TASOR: variants seen among roughly 807,000 people sequenced by gnomAD.
TASOR encodes the protein transcription activation suppressor.
Under a neutral mutation model 178.6 loss-of-function variants are expected in TASOR, and 53 were observed. That is an observed-to-expected ratio of 0.30 (90% CI 0.24 to 0.37). The LOEUF is 0.37. TASOR is among the 10% of genes least tolerant of loss of function. The probability of loss-of-function intolerance (pLI) is 1.00; values close to 1 mark genes in which losing one functional copy is unlikely to be tolerated. For missense variants in TASOR, 1,815 were observed against 1,971.4 expected (o/e 0.92, Z 1.50); for synonymous variants, 713 against 696.2 (o/e 1.02, Z -0.38).
intron 15 of TASOR, 46 bp downstream of exon 15, chr3:56,641,303 C>T (rs2077119184): frequency 6.6e-7 from 1 of 1,522,020 alleles, no homozygotes; most frequent in African/African-American, 1.4e-5. Context: ...ACCTCTTTCA[C>T]ACACACACTC....
Position 56,649,016 on chromosome 3 carries a change from A to G in TASOR, c.1410T>C (p.Leu470=). Residue 470 remains leucine, a synonymous_variant, in exon 12 of 24, where the codon CTT becomes CTC. Transcript: ENST00000683822. The part of the protein sequence containing the change: ...KPLGDRGYLF[L]LSPYQMVPPY... ...GAGGAACCATCTGATAAGGGGAGAG[A>G]AGAAAAAGGTATCCTCGGTCTCCCA... The G allele has an allele frequency of 6.2e-7, 1 of 1,609,046 alleles. No individual in the cohort carries two copies. Among genetic ancestry groups the G allele is most frequent in the Non-Finnish European group, 8.5e-7 (1 of 1,178,612 alleles).
intron 11 of TASOR, 43 bp from the exon 12 acceptor site, chr3:56,649,100 T>C: frequency 6.9e-7 from 1 of 1,452,022 alleles, no homozygotes; most frequent in Middle Eastern, 1.8e-4. Context: ...TGCTTTATTA[T>C]TATTCACCAT....
chr3:56,629,117 C>G (rs2076859519), intron 18 of TASOR: 1 of 152,458 alleles, frequency 6.6e-6, no homozygotes, highest in Non-Finnish European at 1.5e-5. Context: ...AAGGTCAGAG[C>G]TTCACCAATC....
At position 56,633,432 on chromosome 3, in the gene TASOR, A is replaced by G. The variant is rs1181983352; in HGVS notation, c.3359T>C (p.Val1120Ala). Residue 1120 changes from valine to alanine, a missense_variant, in exon 18 of 24, where the codon GTC (valine) becomes GCC (alanine). Physicochemically the swap from Val to Ala is moderately conservative, Grantham distance 64. Coordinates refer to ENST00000683822, the MANE Select transcript of TASOR (RefSeq NM_001365635.2). ...KIASNPLERH[V>A]IPVSSSDFNN... ...GAAGTCACTTGAGGAAACTGGTATG[A>G]CATGCCTTTCCAGAGGATTCGATGC... is the stretch of plus-strand genomic sequence containing the variant. 6.2e-7 allele frequency: 1 copy of G among 1,614,120 alleles called. No homozygotes were observed.
Position 56,641,613 on chromosome 3 carries a change from A to C in TASOR, c.2355T>G (p.Ser785=). ...LSETLANARH[S]DASLTDTVNK... is the part of the protein sequence containing the mutation. ...TGACTGTGTCTGTCAGAGATGCATC[A>C]GAATGGCGCGCATTTGCTAGTGTTT... The change falls in exon 15 of 24, where the codon TCT becomes TCG. Residue 785 remains serine (S), a synonymous_variant. Transcript: ENST00000683822. 6.2e-7 allele frequency: 1 copy of C among 1,614,182 alleles called. No individual in the cohort carries two copies. Among genetic ancestry groups the C allele is most frequent in the African/African-American group, 1.3e-5 (1 of 75,024 alleles).
rs928695392 is a variant in TASOR at position 56,622,263 on chromosome 3, T to C, written c.*774A>G. 2.0e-5 allele frequency: 3 copies of C among 152,212 alleles called. No individual in the cohort carries two copies. Among genetic ancestry groups the C allele is most frequent in the African/African-American group, 7.2e-5 (3 of 41,466 alleles). The allele number at this position is 152,212 out of a possible 1,614,324, so 9.4% of individuals were successfully genotyped here. ...CTGTATCTGTCTAGTATAGCATTAA[T>C]GTGTTCAACAAATGGTAATTACTAC... On this transcript the variant is annotated 3_prime_UTR_variant, in exon 24 of 24. Coordinates refer to ENST00000683822, the MANE Select transcript of TASOR (RefSeq NM_001365635.2).
At chr3:56,669,449 G>A (rs570693881) in intron 5 of TASOR, among the ~76,000 whole-genome samples, 51 of 152,266 alleles carry the variant, frequency 3.3e-4, no homozygotes, top group African/African-American at 1.2e-3. Flanking sequence ...CTTGCAGTGA[G>A]CCAAGATGGC....
intron 1 of TASOR, among the ~76,000 whole-genome samples, chr3:56,680,927 TA>T (rs2031726433): frequency 6.6e-6 from 1 of 152,092 alleles, no homozygotes; most frequent in Non-Finnish European, 1.5e-5. Context: ...TTTCCACTTT[TA>T]GTGTGTTCAG....
rs1225648410 is a variant in TASOR at position 56,623,073 on chromosome 3, T to C, written c.4977A>G (p.Lys1659=). 3 of 1,595,122 alleles carry C rather than the reference T, an allele frequency of 1.9e-6. No individual in the cohort carries two copies. The highest frequency in any genetic ancestry group is 3.5e-5 in the Admixed American group (2 of 56,746). The part of the protein sequence containing the change: ...DKSPPPLSWG[K]SDSSRPYSQE... Reference sequence around the variant, plus strand: ...GTGAATATGGCCTGGAAGAATCACTTTTCCCCCAACTTAAGGGAGGTGGAG... The same window carrying C: ...GTGAATATGGCCTGGAAGAATCACTCTTCCCCCAACTTAAGGGAGGTGGAG... Residue 1659 remains lysine, a synonymous_variant, in exon 24 of 24, where the codon AAA becomes AAG. Transcript: ENST00000683822.
intron 11 of TASOR, among the ~76,000 whole-genome samples, chr3:56,660,158 G>A (rs1302678792): frequency 6.6e-6 from 1 of 151,870 alleles, no homozygotes; most frequent in African/African-American, 2.4e-5. Flanking sequence ...ACCAACGCCC[G>A]GCCTGATAAT....
intron 14 of TASOR, among the ~76,000 whole-genome samples, chr3:56,642,552 G>A (rs1213055807): frequency 5.9e-5 from 9 of 152,158 alleles, no homozygotes; most frequent in African/African-American, 2.2e-4. Context: ...CAGAAACAAA[G>A]GAGTGCATAC....
In TASOR at chr3:56,639,973, A is replaced by G. The variant is rs2077089931; in HGVS notation, c.2764+13T>C. 2 of 1,596,754 alleles carry G rather than the reference A, an allele frequency of 1.3e-6. No homozygotes were observed. Among genetic ancestry groups the G allele is most frequent in the Non-Finnish European group, 8.5e-7 (1 of 1,172,840 alleles). Reference sequence around the variant, plus strand: ...AAATGAAGCAAACACAAGTCCAAGTATACTTTTCTTACCTGTAATTGGAAT... The same window carrying G: ...AAATGAAGCAAACACAAGTCCAAGTGTACTTTTCTTACCTGTAATTGGAAT... On this transcript the variant is annotated intron_variant, in intron 16 of 23. Coordinates refer to ENST00000683822, the MANE Select transcript of TASOR (RefSeq NM_001365635.2).
rs2076967703 is a variant in TASOR, at chr3:56,633,981, T to C, written c.2825-15A>G. 1.3e-6 allele frequency: 2 copies of C among 1,501,084 alleles called. No homozygotes were observed. Among genetic ancestry groups the C allele is most frequent in the South Asian group, 2.7e-5 (2 of 75,238 alleles). The allele number at this position is 1,501,084 out of a possible 1,614,324, so 93.0% of individuals were successfully genotyped here. ...TGATTTCATACCTATACAGGAAGAG[T>C]TCATTATTATAAGAGCAATCCAAAA... is the stretch of plus-strand genomic sequence containing the variant. On this transcript the variant is annotated splice_polypyrimidine_tract_variant and intron_variant, in intron 17 of 23. Coordinates refer to ENST00000683822, the MANE Select transcript of TASOR (RefSeq NM_001365635.2).
chr3:56,631,621 T>C (rs1435890529), intron 18 of TASOR, among the ~76,000 whole-genome samples: 1 of 149,898 alleles, frequency 6.7e-6, no homozygotes, highest in Admixed American at 6.7e-5. Context: ...TCTTGCTCTG[T>C]CGCCCAGGCT....
intron 2 of TASOR, 89 bp from the exon 3 acceptor site, chr3:56,671,781 CACCT>C (rs918823916): frequency 2.1e-6 from 2 of 974,174 alleles, no homozygotes; most frequent in Non-Finnish European, 3.0e-6. Context: ...AGAAATCTCA[CACCT>C]ACCAAAATGG....
intron 11 of TASOR, 105 bp downstream of exon 11, chr3:56,660,626 A>C: frequency 1.3e-6 from 1 of 783,756 alleles, no homozygotes; most frequent in South Asian, 1.7e-5. Context: ...CAGACACCTC[A>C]TGGTACTTTC....
chr3:56,665,419 G>A lies in TASOR; in HGVS notation c.1022+841C>T, dbSNP rs749683449. Among the ~76,000 whole-genome samples, 7 of 152,074 alleles carry A rather than the reference G, an allele frequency of 4.6e-5. No homozygotes were observed. In the South Asian group the frequency reaches 6.2e-4, roughly 14 times the overall value. On this transcript the variant is annotated intron_variant, in intron 7 of 23. Coordinates refer to ENST00000683822, the MANE Select transcript of TASOR (RefSeq NM_001365635.2). ...CACCCAGGCTGTAGTGCAGTGGTGC[G>A]ATCACAGCTCACTGCCAACCTCCAC...
chr3:56,666,173 G>T, intron 7 of TASOR, 87 bp downstream of exon 7: 1 of 1,162,744 alleles, frequency 8.6e-7, no homozygotes, highest in Non-Finnish European at 1.1e-6. Context: ...AAATGGGAAG[G>T]AAACAAAATG....
chr3:56,629,112 C>G (rs2076859308), intron 18 of TASOR: 1 of 152,396 alleles, frequency 6.6e-6, no homozygotes, highest in African/African-American at 2.4e-5. Context: ...ATCTAAAGGT[C>G]AGAGCTTCAC....
Sources: allele counts gnomAD v4.1 joint callset (sites outside exome capture counted in the v4.1 genomes callset), GRCh38; gene constraint gnomAD v4.1.1; transcripts MANE v1.5; gene names NCBI Gene and HGNC (gene_info 2026-07-23, HGNC 2026-07-21).